The following SGCZ variants were observed in gnomAD, a reference collection of about 807,000 sequenced individuals.
SGCZ encodes the protein sarcoglycan zeta.
A neutral mutation model predicts 41.3 loss-of-function variants in SGCZ; 40 were observed. The observed-to-expected ratio is 0.97, with a 90% CI of 0.75 to 1.26. The LOEUF is 1.26. Among genes scored for constraint, SGCZ ranks in the 50% most tolerant of loss-of-function variants. The pLI, the probability that SGCZ is intolerant of heterozygous loss-of-function variation, is 0.00. For synonymous variants in SGCZ, 206 were observed against 137.5 expected (o/e 1.50, Z -3.49); for missense variants, 552 against 369.8 (o/e 1.49, Z -4.04).
chr8:15,173,875 GCACCACCA>G (rs1346478619), intron 1 of SGCZ, among the ~76,000 whole-genome samples: 1 of 152,074 alleles, frequency 6.6e-6, no homozygotes, highest in East Asian at 1.9e-4. Context: ...GCATAGGCAT[GCACCACCA>G]CACCTGGCTA....
intron 2 of SGCZ, among the ~76,000 whole-genome samples, chr8:14,525,314 T>G (rs1288084883): frequency 2.0e-5 from 3 of 152,164 alleles, no homozygotes; most frequent in Non-Finnish European, 4.4e-5. Context: ...TTGAGATAGA[T>G]ATTCCTGTCA....
chr8:15,097,805 TATATATATAC>T (rs1806412007), intron 1 of SGCZ, among the ~76,000 whole-genome samples: 1 of 133,300 alleles, frequency 7.5e-6, no homozygotes, highest in African/African-American at 3.0e-5. Flanking sequence ...TACGTGTATA[TATATATATAC>T]GTGTGTGTAT....
At chr8:14,407,625 C>G (rs754642373) in intron 2 of SGCZ, among the ~76,000 whole-genome samples, 1 of 152,048 alleles carries the variant, frequency 6.6e-6, no homozygotes, top group Non-Finnish European at 1.5e-5. Context: ...TAATTCATAA[C>G]TGTTGTATGC....
intron 1 of SGCZ, among the ~76,000 whole-genome samples, chr8:14,950,735 C>CA (rs1164935388): frequency 9.2e-5 from 14 of 151,732 alleles, no homozygotes; most frequent in African/African-American, 2.4e-4. Flanking sequence ...AAACATAAAG[C>CA]AATACATAAG....
chr8:14,848,910 C>T (rs1803226039), intron 1 of SGCZ, among the ~76,000 whole-genome samples: 1 of 152,048 alleles, frequency 6.6e-6, no homozygotes, highest in Non-Finnish European at 1.5e-5. Context: ...AGACAAGCTA[C>T]AAGCTATAAG....
intron 7 of SGCZ, 122 bp from the exon 8 acceptor site, chr8:14,090,759 T>G: frequency 1.2e-6 from 1 of 828,152 alleles, no homozygotes; most frequent in Non-Finnish European, 1.8e-6. Flanking sequence ...ATGGTTTAGC[T>G]GCCATGCTTT....
intron 1 of SGCZ, among the ~76,000 whole-genome samples, chr8:14,772,198 A>T (rs1800263386): frequency 6.6e-6 from 1 of 152,196 alleles, no homozygotes; most frequent in Admixed American, 6.5e-5. Flanking sequence ...AACACATTTA[A>T]GGTAGGCTAG....
At chr8:14,266,780 G>C (rs943077559) in intron 3 of SGCZ, among the ~76,000 whole-genome samples, 1 of 151,872 alleles carries the variant, frequency 6.6e-6, no homozygotes. Context: ...AAGTAGATGA[G>C]GTAAAAACGA....
chr8:14,978,580 A>T (rs1045033113), intron 1 of SGCZ, among the ~76,000 whole-genome samples: 10 of 150,718 alleles, frequency 6.6e-5, no homozygotes, highest in African/African-American at 2.2e-4. Context: ...CTTGTAAACC[A>T]GATTTTATCA....
At chr8:14,703,581 T>C (rs1809239021) in intron 1 of SGCZ, among the ~76,000 whole-genome samples, 1 of 152,028 alleles carries the variant, frequency 6.6e-6, no homozygotes, top group Admixed American at 6.6e-5. Context: ...TTCTAGTCTA[T>C]TTGGTATATA....
intron 3 of SGCZ, among the ~76,000 whole-genome samples, chr8:14,323,529 A>C (rs1801999918): frequency 6.6e-6 from 1 of 152,104 alleles, no homozygotes; most frequent in African/African-American, 2.4e-5. Context: ...AGCCAAAATG[A>C]ACAAAATCTA....
intron 1 of SGCZ, among the ~76,000 whole-genome samples, chr8:15,006,669 T>C (rs962242755): frequency 1.3e-5 from 2 of 152,200 alleles, no homozygotes; most frequent in Admixed American, 6.5e-5. Flanking sequence ...CTGGTACTAC[T>C]GGTAATCCAC....
intron 1 of SGCZ, among the ~76,000 whole-genome samples, chr8:15,058,059 T>C (rs1431447761): frequency 1.3e-5 from 2 of 152,120 alleles, no homozygotes; most frequent in East Asian, 3.9e-4. Context: ...ACAAGGAAAT[T>C]GAATAGAGAG....
At chr8:15,074,486 G>A (rs1289722042) in intron 1 of SGCZ, among the ~76,000 whole-genome samples, 3 of 152,052 alleles carry the variant, frequency 2.0e-5, no homozygotes, top group Admixed American at 6.6e-5. Context: ...GTCTTTTAAA[G>A]TAAAAATTTT....
At chr8:15,079,918 G>A (rs1272343704) in intron 1 of SGCZ, among the ~76,000 whole-genome samples, 1 of 152,032 alleles carries the variant, frequency 6.6e-6, no homozygotes. Flanking sequence ...AGTGTCCACT[G>A]TTTCCATTTT....
intron 1 of SGCZ, among the ~76,000 whole-genome samples, chr8:14,961,680 C>G (rs1800971218): frequency 6.6e-6 from 1 of 152,084 alleles, no homozygotes; most frequent in Non-Finnish European, 1.5e-5. Context: ...ACTAGTGGGT[C>G]TTGGAATGTA....
At chr8:15,216,214 TTTTTTTTTC>T (rs1234020143) in intron 1 of SGCZ, among the ~76,000 whole-genome samples, 2 of 71,390 alleles carry the variant, frequency 2.8e-5, no homozygotes, top group African/African-American at 8.4e-5. Context: ...TAGCTTATTC[TTTTTTTTTC>T]TTTTTTTTTT....
chr8:14,736,588 ACACT>A, intron 1 of SGCZ, among the ~76,000 whole-genome samples: 1 of 152,148 alleles, frequency 6.6e-6, no homozygotes, highest in Admixed American at 6.6e-5. Flanking sequence ...TGAGCAGTAC[ACACT>A]ACACCATATT....
intron 2 of SGCZ, among the ~76,000 whole-genome samples, chr8:14,388,306 G>C (rs895001648): frequency 6.6e-6 from 1 of 151,968 alleles, no homozygotes; most frequent in African/African-American, 2.4e-5. Context: ...TGAAGATATA[G>C]GTGCTGAGGC....
Sources: gnomAD v4.1 joint callset for allele counts (sites outside exome capture counted in the v4.1 genomes callset) on GRCh38, gnomAD v4.1.1 for gene constraint, MANE v1.5 for transcripts, NCBI Gene and HGNC (gene_info 2026-07-23, HGNC 2026-07-21) for gene names.